The following SIK2 variants were observed in gnomAD, a reference collection of about 807,000 sequenced individuals.
SIK2 encodes the protein serine/threonine-protein kinase SIK2.
SIK2 carries 29 observed loss-of-function variants against 103.2 expected under a neutral mutation model. The ratio of observed to expected loss-of-function variants is 0.28; its 90% CI spans 0.21 to 0.38. The LOEUF (loss-of-function observed/expected upper bound fraction) is 0.38, where lower values mean the gene tolerates loss of function less well. Among genes scored for constraint, SIK2 ranks in the 10% least tolerant of loss-of-function variants. The pLI is 1.00. For missense variants in SIK2, 879 were observed against 1,171.0 expected (o/e 0.75, Z 3.64); for synonymous variants, 412 against 446.1 (o/e 0.92, Z 0.96).
rs527537233 is a variant in SIK2 at position 111,720,015 on chromosome 11, G to A, written c.1495+12G>A. The A allele has an allele frequency of 5.6e-5, 90 of 1,608,086 alleles. 2 individuals carry two copies. In the South Asian group the frequency reaches 8.4e-4, roughly 15 times the overall value. On this transcript the variant is annotated intron_variant, in intron 10 of 14. Transcript: ENST00000304987. ...GATGCCTGGGGCAGGTACGGTAGAGGAGCGACACTAGCTTGAGTCTTCATG... is the reference window on the plus strand; with the variant it reads ...GATGCCTGGGGCAGGTACGGTAGAGAAGCGACACTAGCTTGAGTCTTCATG...
chr11:111,621,999 G>A (rs950115622), intron 3 of SIK2, among the ~76,000 whole-genome samples: 41 of 150,540 alleles, frequency 2.7e-4, no homozygotes, highest in Admixed American at 2.5e-3. Context: ...TTACTTAAAC[G>A]TATTTTATAA....
chr11:111,721,783 T>C, intron 12 of SIK2, 47 bp from the exon 13 acceptor site: 1 of 1,485,392 alleles, frequency 6.7e-7, no homozygotes, highest in Non-Finnish European at 9.2e-7. Flanking sequence ...CTGAGACGTT[T>C]TTCCCCATGG....
chr11:111,668,091 T>A (rs181186741), intron 3 of SIK2, among the ~76,000 whole-genome samples: 3 of 152,254 alleles, frequency 2.0e-5, no homozygotes, highest in African/African-American at 7.2e-5. Context: ...GCAGGAATTC[T>A]TACAGTGAGG....
In SIK2 at chr11:111,727,140, C is replaced by T; in HGVS notation, c.*3011C>T. 6 of 1,198,850 alleles carry T rather than the reference C, an allele frequency of 5.0e-6. No individual in the cohort carries two copies. Among genetic ancestry groups the T allele is most frequent in the Non-Finnish European group, 1.2e-6 (1 of 813,800 alleles). The allele number at this position is 1,198,850 out of a possible 1,614,324, so 74.3% of individuals were successfully genotyped here. On this transcript the variant is annotated 3_prime_UTR_variant, in exon 15 of 15. Transcript: ENST00000304987. ...CGGTGACACTGACCGTCCCCAGCTGCCCCCTCGCCACCTCTGCCTGCACTG... is the reference window on the plus strand; with the variant it reads ...CGGTGACACTGACCGTCCCCAGCTGTCCCCTCGCCACCTCTGCCTGCACTG...
chr11:111,617,632 C>T (rs779016043), intron 2 of SIK2, among the ~76,000 whole-genome samples: 3 of 152,154 alleles, frequency 2.0e-5, no homozygotes, highest in Non-Finnish European at 2.9e-5. Flanking sequence ...AGCTGGTTTA[C>T]TGGCACACCA....
intron 2 of SIK2, among the ~76,000 whole-genome samples, chr11:111,619,793 G>A (rs762270453): frequency 2.1e-4 from 32 of 152,296 alleles, no homozygotes; most frequent in Non-Finnish European, 3.7e-4. Context: ...TAAACAATTA[G>A]AGTACTTTGT....
intron 8 of SIK2, among the ~76,000 whole-genome samples, chr11:111,709,320 CCTT>C (rs1269028108): frequency 1.3e-5 from 2 of 152,228 alleles, no homozygotes; most frequent in Non-Finnish European, 2.9e-5. Context: ...ACCTTAATTA[CCTT>C]CTTCAAGGCC....
intron 1 of SIK2, among the ~76,000 whole-genome samples, chr11:111,608,013 G>C (rs554340090): frequency 5.9e-5 from 9 of 152,304 alleles, no homozygotes; most frequent in African/African-American, 1.7e-4. Context: ...GCTGATGGCA[G>C]ATTCATTTCC....
intron 3 of SIK2, among the ~76,000 whole-genome samples, chr11:111,625,594 C>T (rs958027263): frequency 1.2e-4 from 18 of 152,132 alleles, no homozygotes; most frequent in African/African-American, 4.1e-4. Context: ...TCAGAAGGAT[C>T]AAGTGAACAT....
At chr11:111,633,120 G>A (rs1486277219) in intron 3 of SIK2, among the ~76,000 whole-genome samples, 1 of 152,184 alleles carries the variant, frequency 6.6e-6, no homozygotes, top group East Asian at 1.9e-4. Flanking sequence ...CTGTGCTCAT[G>A]TTGATCTGGA....
rs764658886 is a variant in SIK2, at chr11:111,719,816, G to C, written c.1308G>C (p.Val436=). Residue 436 remains valine, a synonymous_variant, in exon 10 of 15, where the codon GTG becomes GTC. Transcript: ENST00000304987. ...TTGACCCTGTGCCTCCTGTCCTGGT[G>C]CGGAAGGGATGCCAGTCACTGCCCA... The part of the protein sequence containing the change: ...CLLDPVPPVL[V]RKGCQSLPSN... 3 of 1,614,046 alleles carry C rather than the reference G, an allele frequency of 1.9e-6. No homozygotes were observed. In the African/African-American group the frequency reaches 4.0e-5, roughly 22 times the overall value.
chr11:111,649,564 G>A (rs1942301727), intron 3 of SIK2, among the ~76,000 whole-genome samples: 1 of 152,044 alleles, frequency 6.6e-6, no homozygotes, highest in Admixed American at 6.5e-5. Context: ...TACTTGGGTA[G>A]TTACATTATC....
At chr11:111,694,765 A>G (rs1484090027) in intron 4 of SIK2, among the ~76,000 whole-genome samples, 3 of 152,234 alleles carry the variant, frequency 2.0e-5, no homozygotes, top group African/African-American at 4.8e-5. Flanking sequence ...TAAGCTGGGA[A>G]TATGGAAGAT....
chr11:111,674,869 C>T (rs1661981305), intron 3 of SIK2, among the ~76,000 whole-genome samples: 1 of 152,178 alleles, frequency 6.6e-6, no homozygotes, highest in Admixed American at 6.5e-5. Context: ...GCCTCAGCCT[C>T]CCAAGTAGCT....
chr11:111,703,178 T>A (rs1377273149), intron 6 of SIK2, 25 bp from the exon 7 acceptor site: 1 of 1,608,608 alleles, frequency 6.2e-7, no homozygotes, highest in East Asian at 2.2e-5. Flanking sequence ...TTCTTGTGAC[T>A]TTTGTAACAT....
intron 1 of SIK2, among the ~76,000 whole-genome samples, chr11:111,605,005 C>G (rs954637186): frequency 2.0e-5 from 3 of 147,612 alleles, no homozygotes; most frequent in African/African-American, 7.6e-5. Flanking sequence ...GTTGCCCAGG[C>G]TGGCTGGAGT....
chr11:111,691,928 A>G (rs1025662992), intron 4 of SIK2, among the ~76,000 whole-genome samples: 4 of 152,204 alleles, frequency 2.6e-5, no homozygotes, highest in African/African-American at 7.2e-5. Flanking sequence ...CAAAAAGATC[A>G]TTGTTTTCAG....
intron 3 of SIK2, among the ~76,000 whole-genome samples, chr11:111,658,571 C>T (rs1327698407): frequency 6.6e-6 from 1 of 152,080 alleles, no homozygotes; most frequent in Non-Finnish European, 1.5e-5. Context: ...GGCAAAACTC[C>T]ATCTCTACAA....
chr11:111,659,489 TC>T (rs2135870000), intron 3 of SIK2, among the ~76,000 whole-genome samples: 2 of 152,352 alleles, frequency 1.3e-5, no homozygotes, highest in African/African-American at 4.8e-5. Context: ...ATACCTTTTT[TC>T]TTAAAAGAGT....
Sources: allele counts gnomAD v4.1 joint callset (sites outside exome capture counted in the v4.1 genomes callset), GRCh38; gene constraint gnomAD v4.1.1; transcripts MANE v1.5; gene names NCBI Gene and HGNC (gene_info 2026-07-23, HGNC 2026-07-21).